The following CRADD variants were observed in gnomAD, a reference collection of about 807,000 sequenced individuals.
The protein encoded by CRADD is CARD and death domain containing adaptor protein.
Under a neutral mutation model 15.5 loss-of-function variants are expected in CRADD, and 9 were observed. The observed-to-expected ratio is 0.58, with a 90% CI of 0.35 to 1.01. The LOEUF (loss-of-function observed/expected upper bound fraction) is 1.01. Ranked by LOEUF, CRADD falls within the 50% of genes least tolerant of loss-of-function variation. The pLI is 0.02. For missense variants in CRADD, 227 were observed against 250.3 expected, an observed-to-expected ratio of 0.91 and a Z score of 0.63; for synonymous variants, 118 against 107.6, an observed-to-expected ratio of 1.10 and a Z score of -0.60.
At chr12:93,747,694 C>G (rs1459310398) in intron 2 of CRADD, among the ~76,000 whole-genome samples, 1 of 152,148 alleles carries the variant, frequency 6.6e-6, no homozygotes, top group East Asian at 1.9e-4. Flanking sequence ...TCTCGAACTC[C>G]TGACCTCGTG....
intron 2 of CRADD, among the ~76,000 whole-genome samples, chr12:93,869,237 A>G (rs2137064998): frequency 6.6e-6 from 1 of 152,328 alleles, no homozygotes; most frequent in Middle Eastern, 3.4e-3. Context: ...AACAAAGCCT[A>G]GAAACAAGCC....
chr12:93,843,659 C>T (rs752349925), intron 2 of CRADD, among the ~76,000 whole-genome samples: 2 of 151,910 alleles, frequency 1.3e-5, no homozygotes, highest in African/African-American at 2.4e-5. Context: ...GGATTACAGG[C>T]GTGAGCCACC....
At chr12:93,848,764 G>A (rs1958168661) in intron 2 of CRADD, 1 of 41,790 alleles carries the variant, frequency 2.4e-5, no homozygotes, top group Non-Finnish European at 4.4e-5. Context: ...ATGAAGTTAG[G>A]AGCTCCTCTG....
intron 2 of CRADD, among the ~76,000 whole-genome samples, chr12:93,750,943 T>G (rs1170558691): frequency 1.3e-5 from 2 of 152,194 alleles, no homozygotes; most frequent in African/African-American, 2.4e-5. Context: ...AGGGACTCTG[T>G]CTTTGTAGAA....
intron 2 of CRADD, among the ~76,000 whole-genome samples, chr12:93,762,096 C>T (rs1486534471): frequency 6.6e-6 from 1 of 152,128 alleles, no homozygotes; most frequent in African/African-American, 2.4e-5. Flanking sequence ...TTTGCAAAGG[C>T]TAATAACTGG....
At chr12:93,739,901 C>T (rs1322804346) in intron 2 of CRADD, among the ~76,000 whole-genome samples, 35 of 152,140 alleles carry the variant, frequency 2.3e-4, no homozygotes, top group Admixed American at 2.3e-3. Context: ...CCATTTTCCT[C>T]CTCATTACCA....
At chr12:93,832,388 A>T (rs934925198) in intron 2 of CRADD, among the ~76,000 whole-genome samples, 8 of 152,222 alleles carry the variant, frequency 5.3e-5, no homozygotes, top group African/African-American at 1.9e-4. Flanking sequence ...CCATGAAAGA[A>T]ATATGCTTTT....
At chr12:93,736,783 A>G (rs1956576928) in intron 2 of CRADD, among the ~76,000 whole-genome samples, 1 of 152,256 alleles carries the variant, frequency 6.6e-6, no homozygotes, top group African/African-American at 2.4e-5. Context: ...TGAGAAACTT[A>G]GGATCAACCA....
chr12:93,723,199 G>C (rs1294620522), intron 2 of CRADD, among the ~76,000 whole-genome samples: 1 of 152,162 alleles, frequency 6.6e-6, no homozygotes, highest in Non-Finnish European at 1.5e-5. Context: ...CCCCCTCTTT[G>C]CTTAGGGATT....
intron 2 of CRADD, among the ~76,000 whole-genome samples, chr12:93,683,094 C>G (rs1955357204): frequency 6.6e-6 from 1 of 152,220 alleles, no homozygotes; most frequent in African/African-American, 2.4e-5. Context: ...GCCTGCCTGC[C>G]TGGCTTCTCA....
At chr12:93,837,829 A>G (rs920320108) in intron 2 of CRADD, 18 of 152,258 alleles carry the variant, frequency 1.2e-4, no homozygotes, top group African/African-American at 4.3e-4. Context: ...AAGAGAGGCC[A>G]AATGACTTAT....
intron 2 of CRADD, among the ~76,000 whole-genome samples, chr12:93,872,538 G>C (rs1344381210): frequency 1.3e-5 from 2 of 152,068 alleles, no homozygotes; most frequent in Admixed American, 1.3e-4. Context: ...CATAGTTCAA[G>C]GTCTTAGATT....
intron 2 of CRADD, among the ~76,000 whole-genome samples, chr12:93,707,310 A>G (rs906497359): frequency 5.3e-5 from 8 of 152,192 alleles, no homozygotes; most frequent in Non-Finnish European, 1.2e-4. Context: ...CCTTAAAATA[A>G]CCATTTTACC....
At chr12:93,798,799 C>G (rs1957447385) in intron 2 of CRADD, among the ~76,000 whole-genome samples, 1 of 152,200 alleles carries the variant, frequency 6.6e-6, no homozygotes, top group Non-Finnish European at 1.5e-5. Flanking sequence ...CTACTTAGCA[C>G]TCTGATAGTG....
At chr12:93,688,979 C>CGT (rs1955501468) in intron 2 of CRADD, among the ~76,000 whole-genome samples, 1 of 152,042 alleles carries the variant, frequency 6.6e-6, no homozygotes, top group Non-Finnish European at 1.5e-5. Context: ...GTATCTCTCT[C>CGT]GTATCTCTCA....
At chr12:93,852,836 AGTGTGTGTGTGT>A (rs58175344), downstream of CRADD, among the ~76,000 whole-genome samples, 3 of 149,492 alleles carry the variant, frequency 2.0e-5, no homozygotes, top group Non-Finnish European at 1.5e-5. Context: ...GTTGGGTTGG[AGTGTGTGTGTGT>A]GTGTGTGTGT....
intron 2 of CRADD, among the ~76,000 whole-genome samples, chr12:93,689,444 C>A (rs1592886213): frequency 1.3e-5 from 2 of 151,798 alleles, no homozygotes; most frequent in Non-Finnish European, 2.9e-5. Flanking sequence ...GGGCATTTCC[C>A]CCAGACTAAA....
intron 2 of CRADD, among the ~76,000 whole-genome samples, chr12:93,811,986 T>C (rs1357673069): frequency 6.6e-6 from 1 of 152,108 alleles, no homozygotes; most frequent in African/African-American, 2.4e-5. Flanking sequence ...TGAAAAGACA[T>C]GGAGGAACAT....
chr12:93,743,271 T>A (rs1956704897), intron 2 of CRADD, among the ~76,000 whole-genome samples: 1 of 152,188 alleles, frequency 6.6e-6, no homozygotes, highest in African/African-American at 2.4e-5. Flanking sequence ...TTTATAACAT[T>A]TCTGCTTTTC....
Sources: gnomAD v4.1 joint callset for allele counts (sites outside exome capture counted in the v4.1 genomes callset) on GRCh38, gnomAD v4.1.1 for gene constraint, MANE v1.5 for transcripts, NCBI Gene and HGNC (gene_info 2026-07-23, HGNC 2026-07-21) for gene names.